The following NOL4 variants were observed in gnomAD, a reference collection of about 807,000 sequenced individuals.
NOL4 encodes the protein nucleolar protein 4.
Under a neutral mutation model 75.9 loss-of-function variants are expected in NOL4, and 17 were observed. The observed-to-expected ratio is 0.22, with a 90% CI of 0.15 to 0.34. The LOEUF (loss-of-function observed/expected upper bound fraction) is 0.34, where lower values mean the gene tolerates loss of function less well. NOL4 is among the 10% of genes least tolerant of loss of function. The pLI is 1.00. For missense variants in NOL4, 614 were observed against 793.5 expected, an observed-to-expected ratio of 0.77 and a Z score of 2.72; for synonymous variants, 292 against 289.9, an observed-to-expected ratio of 1.01 and a Z score of -0.07.
chr18:33,968,140 G>A (rs1193649832), intron 6 of NOL4, among the ~76,000 whole-genome samples: 1 of 151,962 alleles, frequency 6.6e-6, no homozygotes, highest in Non-Finnish European at 1.5e-5. Context: ...AGCGGATTCT[G>A]ACGAGACAGT....
intron 1 of NOL4, among the ~76,000 whole-genome samples, chr18:34,197,924 GC>G (rs2035454619): frequency 6.6e-6 from 1 of 151,882 alleles, no homozygotes; most frequent in African/African-American, 2.4e-5. Context: ...GTTGTTAAAG[GC>G]CCAGAAGGAA....
chr18:34,168,956 C>G (rs950950178), intron 1 of NOL4, among the ~76,000 whole-genome samples: 3 of 151,754 alleles, frequency 2.0e-5, no homozygotes, highest in African/African-American at 7.2e-5. Context: ...CTTACAATAT[C>G]TTATAAAAAA....
chr18:34,208,085 T>C (rs2036248926), intron 1 of NOL4, among the ~76,000 whole-genome samples: 1 of 152,154 alleles, frequency 6.6e-6, no homozygotes, highest in Non-Finnish European at 1.5e-5. Flanking sequence ...ATTGTGCAGT[T>C]TCATGACTGA....
chr18:33,887,452 G>C (rs1017087350), intron 9 of NOL4, among the ~76,000 whole-genome samples: 7 of 151,098 alleles, frequency 4.6e-5, no homozygotes, highest in African/African-American at 1.7e-4. Context: ...TTAAGTTCTA[G>C]GGTACATGTG....
rs1308608428 is a variant in NOL4 at position 34,166,744 on chromosome 18, T to C, written c.265-36724A>G. Among the ~76,000 whole-genome samples, 6 of 111,740 alleles carry C rather than the reference T, an allele frequency of 5.4e-5. 1 individual carries two copies. The highest frequency in any genetic ancestry group is 1.0e-4 in the Non-Finnish European group (5 of 49,586). The allele number at this position is 111,740 out of a possible 152,430, so 73.3% of individuals were successfully genotyped here. ...TATTTGGGAAAAAATAAAAATATAA[T>C]AGTAAAAAAAAGGCCGGGCGCGGTG... On this transcript the variant is annotated intron_variant, in intron 1 of 10. Transcript: ENST00000261592.
rs1302314151 is a variant in NOL4, at chr18:34,054,391, T to G, written c.773-34790A>C. ...ATCTATTGGGAACTCTGATATTGGG[T>G]GCACGAATATTTATAAAATATTATA... On this transcript the variant is annotated intron_variant, in intron 5 of 10. Coordinates refer to ENST00000261592, the MANE Select transcript of NOL4 (RefSeq NM_003787.5). Among the ~76,000 whole-genome samples, 3 of 151,960 alleles carry G rather than the reference T, an allele frequency of 2.0e-5. No homozygotes were observed. In the East Asian group the frequency reaches 5.8e-4, roughly 29 times the overall value.
intron 1 of NOL4, among the ~76,000 whole-genome samples, chr18:34,188,315 C>T (rs190398851): frequency 6.5e-4 from 99 of 152,190 alleles, no homozygotes; most frequent in African/African-American, 2.3e-3. Flanking sequence ...TCAGGGGTGT[C>T]TAAGATACAA....
intron 10 of NOL4, among the ~76,000 whole-genome samples, chr18:33,862,999 T>C (rs547970520): frequency 5.3e-5 from 8 of 152,226 alleles, no homozygotes; most frequent in Admixed American, 4.6e-4. Flanking sequence ...CTGTTCACAA[T>C]AGCAAAGACT....
intron 5 of NOL4, among the ~76,000 whole-genome samples, chr18:34,047,325 G>C (rs1434141598): frequency 6.6e-6 from 1 of 152,036 alleles, no homozygotes; most frequent in Non-Finnish European, 1.5e-5. Context: ...TATTTGTAGT[G>C]TGTAGTACAT....
chr18:34,153,778 A>T (rs1372996269), intron 1 of NOL4, among the ~76,000 whole-genome samples: 3 of 152,044 alleles, frequency 2.0e-5, no homozygotes, highest in Non-Finnish European at 4.4e-5. Flanking sequence ...ACAGAAATTA[A>T]TTTCTCTTTC....
At chr18:33,989,825 C>T (rs2072781587) in intron 6 of NOL4, among the ~76,000 whole-genome samples, 1 of 152,102 alleles carries the variant, frequency 6.6e-6, no homozygotes, top group Non-Finnish European at 1.5e-5. Flanking sequence ...TTCATTATAG[C>T]TGTGACATGA....
At chr18:34,066,714 A>G (rs946152040) in intron 5 of NOL4, among the ~76,000 whole-genome samples, 3 of 150,844 alleles carry the variant, frequency 2.0e-5, no homozygotes, top group Non-Finnish European at 3.0e-5. Context: ...ACACTGAAGT[A>G]TAAGTGTATG....
intron 1 of NOL4, among the ~76,000 whole-genome samples, chr18:34,208,932 A>T (rs2036314167): frequency 6.6e-6 from 1 of 152,018 alleles, no homozygotes; most frequent in African/African-American, 2.4e-5. Flanking sequence ...GAAATAGGCC[A>T]GGTGCGATGG....
intron 5 of NOL4, among the ~76,000 whole-genome samples, chr18:34,058,599 C>T (rs540139639): frequency 2.0e-5 from 3 of 152,214 alleles, no homozygotes; most frequent in East Asian, 3.9e-4. Context: ...TATGTGCCTA[C>T]GTCTAGCAAG....
intron 5 of NOL4, among the ~76,000 whole-genome samples, chr18:34,076,139 C>T (rs1050092721): frequency 6.6e-6 from 1 of 152,054 alleles, no homozygotes; most frequent in Non-Finnish European, 1.5e-5. Context: ...AGAAGGGCTG[C>T]CTATTTACGA....
intron 5 of NOL4, among the ~76,000 whole-genome samples, chr18:34,039,781 G>C (rs1466250608): frequency 6.6e-6 from 1 of 151,970 alleles, no homozygotes; most frequent in Non-Finnish European, 1.5e-5. Context: ...GACTTACAAT[G>C]GTTCAACTTA....
intron 1 of NOL4, among the ~76,000 whole-genome samples, chr18:34,215,563 T>A (rs1264229378): frequency 6.6e-6 from 1 of 152,110 alleles, no homozygotes; most frequent in Non-Finnish European, 1.5e-5. Flanking sequence ...CTTGTACAGG[T>A]AAGTAAAGTT....
chr18:33,965,322 A>C (rs768868026), intron 6 of NOL4, among the ~76,000 whole-genome samples: 16 of 152,198 alleles, frequency 1.1e-4, no homozygotes, highest in Non-Finnish European at 1.2e-4. Context: ...AAAAACAAAC[A>C]AACCAACCAA....
At chr18:33,939,609 T>C (rs907670539) in intron 9 of NOL4, among the ~76,000 whole-genome samples, 2 of 152,264 alleles carry the variant, frequency 1.3e-5, no homozygotes, top group African/African-American at 4.8e-5. Flanking sequence ...TTGTGATTTT[T>C]TGCACATTGA....
Sources: allele counts gnomAD v4.1 joint callset (sites outside exome capture counted in the v4.1 genomes callset), GRCh38; gene constraint gnomAD v4.1.1; transcripts MANE v1.5; gene names NCBI Gene and HGNC (gene_info 2026-07-23, HGNC 2026-07-21).